Variants in DLG2 observed in about 807,000 individuals in gnomAD.
DLG2 encodes discs large MAGUK scaffold protein 2, also known as disks large homolog 2.
A neutral mutation model predicts 132.5 loss-of-function variants in DLG2; 45 were observed. The ratio of observed to expected loss-of-function variants is 0.34; its 90% CI spans 0.27 to 0.44. The LOEUF is 0.44. Ranked by LOEUF, DLG2 falls within the 20% of genes least tolerant of loss-of-function variation. The pLI, the probability that DLG2 is intolerant of heterozygous loss-of-function variation, is 1.00. For missense variants in DLG2, 1,045 were observed against 1,196.9 expected, an observed-to-expected ratio of 0.87 and a Z score of 1.87; for synonymous variants, 424 against 419.6, an observed-to-expected ratio of 1.01 and a Z score of -0.13.
intron 19 of DLG2, among the ~76,000 whole-genome samples, chr11:83,559,192 A>G (rs1282234199): frequency 6.6e-6 from 1 of 152,180 alleles, no homozygotes; most frequent in Non-Finnish European, 1.5e-5. Flanking sequence ...GACTTACAAA[A>G]GAATGCACTT....
At chr11:84,661,117 A>G (rs1284946684) in intron 6 of DLG2, among the ~76,000 whole-genome samples, 1 of 152,188 alleles carries the variant, frequency 6.6e-6, no homozygotes, top group Non-Finnish European at 1.5e-5. Context: ...CTCCAGGTAA[A>G]GTCACCTGCA....
At chr11:84,272,841 C>A (rs1449244133) in intron 7 of DLG2, among the ~76,000 whole-genome samples, 4 of 152,104 alleles carry the variant, frequency 2.6e-5, no homozygotes. Flanking sequence ...TTATTTCAAA[C>A]ATTAATATAT....
intron 10 of DLG2, among the ~76,000 whole-genome samples, chr11:84,074,233 C>T: frequency 6.6e-6 from 1 of 152,174 alleles, no homozygotes; most frequent in Non-Finnish European, 1.5e-5. Flanking sequence ...CAGCTCAACT[C>T]CTCACAAAAG....
intron 21 of DLG2, among the ~76,000 whole-genome samples, chr11:83,517,465 A>C (rs1345092594): frequency 6.6e-6 from 1 of 152,176 alleles, no homozygotes; most frequent in African/African-American, 2.4e-5. Context: ...CATGGGTTCA[A>C]ACTTCCTTCT....
At chr11:85,350,540 A>T (rs1463446208) in intron 3 of DLG2, among the ~76,000 whole-genome samples, 4 of 152,082 alleles carry the variant, frequency 2.6e-5, no homozygotes, top group Non-Finnish European at 4.4e-5. Flanking sequence ...TTATGGTTTT[A>T]GGTCTAACAT....
intron 19 of DLG2, among the ~76,000 whole-genome samples, chr11:83,544,512 C>G (rs1005067759): frequency 6.6e-6 from 1 of 152,048 alleles, no homozygotes; most frequent in Non-Finnish European, 1.5e-5. Flanking sequence ...GAATATATAG[C>G]TTAGTGGCAG....
chr11:84,881,508 A>G (rs1172209691), intron 6 of DLG2, among the ~76,000 whole-genome samples: 3 of 152,090 alleles, frequency 2.0e-5, no homozygotes, highest in Non-Finnish European at 4.4e-5. Context: ...GTGCCAATTC[A>G]AAGGGTCCAG....
intron 6 of DLG2, among the ~76,000 whole-genome samples, chr11:84,769,836 T>C (rs1447115148): frequency 6.6e-6 from 1 of 152,148 alleles, no homozygotes; most frequent in Non-Finnish European, 1.5e-5. Context: ...CTAAAGAAAA[T>C]AAATTCCAAC....
At chr11:84,182,835 T>C (rs1183163441) in intron 8 of DLG2, among the ~76,000 whole-genome samples, 1 of 151,914 alleles carries the variant, frequency 6.6e-6, no homozygotes, top group East Asian at 1.9e-4. Context: ...TCAGTAAAAT[T>C]GATAAGCCTC....
intron 6 of DLG2, among the ~76,000 whole-genome samples, chr11:84,807,284 A>C (rs1282675680): frequency 6.6e-6 from 1 of 152,108 alleles, no homozygotes; most frequent in Non-Finnish European, 1.5e-5. Flanking sequence ...CGTCTCTACC[A>C]AAAATACAAA....
At position 84,353,454 on chromosome 11, in the gene DLG2, G is replaced by A. The variant is rs557435052; in HGVS notation, c.520-102163C>T. Among the ~76,000 whole-genome samples, 68 of 152,088 alleles carry A rather than the reference G, an allele frequency of 4.5e-4. 2 individuals carry two copies. The South Asian group carries it at 0.012, about 26-fold the overall frequency. ...ATTCCTCTCCCTCATCTCCACACAT[G>A]CATCAGTCACCAAGTCCTGTTGTGT... On this transcript the variant is annotated intron_variant, in intron 7 of 27. Transcript: ENST00000376104.
chr11:83,512,164 A>G (rs1211879221), intron 21 of DLG2, among the ~76,000 whole-genome samples: 1 of 152,198 alleles, frequency 6.6e-6, no homozygotes. Context: ...AGCACAGTTC[A>G]GGCAGAGGAA....
chr11:83,527,468 T>A (rs2095635613), intron 21 of DLG2, among the ~76,000 whole-genome samples: 1 of 152,096 alleles, frequency 6.6e-6, no homozygotes, highest in South Asian at 2.1e-4. Flanking sequence ...TCCAGCACTT[T>A]GGGAGGCCAA....
At chr11:85,121,676 C>A (rs2074336648) in intron 5 of DLG2, among the ~76,000 whole-genome samples, 1 of 151,994 alleles carries the variant, frequency 6.6e-6, no homozygotes, top group South Asian at 2.1e-4. Context: ...CTCTATTAGT[C>A]CATTTCTTTT....
At chr11:84,856,958 A>C (rs1309062077) in intron 6 of DLG2, among the ~76,000 whole-genome samples, 1 of 151,988 alleles carries the variant, frequency 6.6e-6, no homozygotes, top group Non-Finnish European at 1.5e-5. Context: ...ATGTTTTGTC[A>C]CAAGCCAAGG....
intron 6 of DLG2, among the ~76,000 whole-genome samples, chr11:84,916,360 A>T (rs1211504069): frequency 2.7e-5 from 4 of 145,688 alleles, no homozygotes; most frequent in Non-Finnish European, 3.0e-5. Context: ...AAAAAAAAAA[A>T]AAAAAAAAAA....
intron 8 of DLG2, among the ~76,000 whole-genome samples, chr11:84,207,027 A>C (rs1476447739): frequency 6.6e-6 from 1 of 151,440 alleles, no homozygotes; most frequent in Non-Finnish European, 1.5e-5. Flanking sequence ...CCAATTCATC[A>C]GCAACAAAAA....
chr11:83,689,855 C>G (rs1300247883), intron 18 of DLG2, among the ~76,000 whole-genome samples: 1 of 148,512 alleles, frequency 6.7e-6, no homozygotes, highest in African/African-American at 2.5e-5. Context: ...ACTTTGCATA[C>G]TCACCCATTA....
At chr11:84,177,726 G>C (rs1389626990) in intron 8 of DLG2, among the ~76,000 whole-genome samples, 1 of 151,816 alleles carries the variant, frequency 6.6e-6, no homozygotes, top group African/African-American at 2.4e-5. Flanking sequence ...CTGTAAGTGG[G>C]GTCAAAATGA....
Sources: gnomAD v4.1 joint callset for allele counts (sites outside exome capture counted in the v4.1 genomes callset) on GRCh38, gnomAD v4.1.1 for gene constraint, MANE v1.5 for transcripts, NCBI Gene and HGNC (gene_info 2026-07-23, HGNC 2026-07-21) for gene names.